KCND2: variants seen among roughly 807,000 people sequenced by gnomAD.
The protein encoded by KCND2 is A-type voltage-gated potassium channel KCND2.
Under a neutral mutation model 54.4 loss-of-function variants are expected in KCND2, and 16 were observed. The observed-to-expected ratio is 0.29, with a 90% CI of 0.20 to 0.45. KCND2 has a LOEUF of 0.45. Ranked by LOEUF, KCND2 falls within the 20% of genes least tolerant of loss-of-function variation. The pLI is 1.00. For synonymous variants in KCND2, 317 were observed against 310.7 expected, an observed-to-expected ratio of 1.02 and a Z score of -0.21; for missense variants, 486 against 824.2, an observed-to-expected ratio of 0.59 and a Z score of 5.02.
At chr7:120,615,691 A>G (rs1793015397) in intron 1 of KCND2, among the ~76,000 whole-genome samples, 1 of 152,230 alleles carries the variant, frequency 6.6e-6, no homozygotes, top group Non-Finnish European at 1.5e-5. Context: ...CGTTTTGTTC[A>G]GCATTTCTCT....
At chr7:120,460,373 C>T (rs191191837) in intron 1 of KCND2, among the ~76,000 whole-genome samples, 1 of 152,120 alleles carries the variant, frequency 6.6e-6, no homozygotes, top group East Asian at 1.9e-4. Context: ...AGAGACGGAG[C>T]TTATATCCAA....
At chr7:120,464,388 A>G (rs1300969129) in intron 1 of KCND2, among the ~76,000 whole-genome samples, 3 of 152,158 alleles carry the variant, frequency 2.0e-5, no homozygotes, top group Non-Finnish European at 4.4e-5. Context: ...ATGGTTGAAG[A>G]AGCAGACATA....
chr7:120,303,335 A>T (rs1216914301), intron 1 of KCND2, among the ~76,000 whole-genome samples: 1 of 152,198 alleles, frequency 6.6e-6, no homozygotes, highest in Admixed American at 6.5e-5. Context: ...GAAACAACAA[A>T]TTGGCTATCT....
intron 1 of KCND2, among the ~76,000 whole-genome samples, chr7:120,281,645 A>G (rs1019233313): frequency 6.6e-6 from 1 of 152,036 alleles, no homozygotes; most frequent in Admixed American, 6.6e-5. Context: ...TTATGGTTTT[A>G]CCTCTTGACA....
intron 1 of KCND2, among the ~76,000 whole-genome samples, chr7:120,358,307 T>A (rs1800537960): frequency 6.6e-6 from 1 of 152,122 alleles, no homozygotes; most frequent in South Asian, 2.1e-4. Context: ...TATTTTTCTC[T>A]CTCCTTTTTT....
At chr7:120,641,059 ACG>A in intron 1 of KCND2, among the ~76,000 whole-genome samples, 1 of 152,346 alleles carries the variant, frequency 6.6e-6, no homozygotes, top group African/African-American at 2.4e-5. Flanking sequence ...TAGAATGAAG[ACG>A]AGAGAGAGCT....
rs200944488 is a variant in KCND2, at chr7:120,397,995, GTATA to G, written c.1115+122288_1115+122291del. ...TAAGTGTGTGTGTGTGTGTGTGTGTGTATATATATATATATATATATATATATAT... is the reference window on the plus strand; with the variant it reads ...TAAGTGTGTGTGTGTGTGTGTGTGTGTATATATATATATATATATATATAT... On this transcript the variant is annotated intron_variant, in intron 1 of 5. Coordinates refer to ENST00000331113, the MANE Select transcript of KCND2 (RefSeq NM_012281.3). 5.7e-3 allele frequency among the ~76,000 whole-genome samples: 528 copies of G among 93,060 alleles called. 3 individuals are homozygous for G. The highest frequency in any genetic ancestry group is 0.013 in the Middle Eastern group (2 of 160). 61.1% of individuals were successfully genotyped at this position (93,060 alleles called of 152,430 possible).
At chr7:120,716,167 G>A (rs1401257873) in intron 1 of KCND2, among the ~76,000 whole-genome samples, 1 of 151,496 alleles carries the variant, frequency 6.6e-6, no homozygotes, top group Admixed American at 6.6e-5. Flanking sequence ...GCCTCACTAA[G>A]GTAAAGGAAA....
chr7:120,501,781 A>G (rs1429840903), intron 1 of KCND2, among the ~76,000 whole-genome samples: 1 of 152,046 alleles, frequency 6.6e-6, no homozygotes, highest in East Asian at 1.9e-4. Flanking sequence ...AGGGAATAAT[A>G]TATTTCGCAC....
intron 1 of KCND2, among the ~76,000 whole-genome samples, chr7:120,405,605 A>G (rs1336394106): frequency 6.6e-6 from 1 of 152,170 alleles, no homozygotes; most frequent in Non-Finnish European, 1.5e-5. Context: ...AATAAGCACT[A>G]AAAGATATCA....
chr7:120,385,355 C>T (rs1320792737), intron 1 of KCND2, among the ~76,000 whole-genome samples: 1 of 151,944 alleles, frequency 6.6e-6, no homozygotes, highest in Admixed American at 6.6e-5. Flanking sequence ...ATCTTGAATG[C>T]ATAAATTCCT....
At chr7:120,352,537 T>C (rs1056849692) in intron 1 of KCND2, among the ~76,000 whole-genome samples, 2 of 151,624 alleles carry the variant, frequency 1.3e-5, no homozygotes, top group African/African-American at 4.8e-5. Flanking sequence ...ATGAATTTTA[T>C]AGAGCATCCC....
chr7:120,704,542 A>G lies in KCND2; in HGVS notation c.1116-28361A>G, dbSNP rs146806780. 4.4e-3 allele frequency among the ~76,000 whole-genome samples: 676 copies of G among 152,320 alleles called. 5 individuals are homozygous for G. Among genetic ancestry groups the G allele is most frequent in the African/African-American group, 0.016 (649 of 41,574 alleles). On this transcript the variant is annotated intron_variant, in intron 1 of 5. Transcript: ENST00000331113. ...TATGTACCAAGGTTTCTGTTCAAAG[A>G]ATATTTAAAAGCTATTGACCAGATC... is the stretch of plus-strand genomic sequence containing the variant.
At chr7:120,595,612 T>TATATATAC (rs1491578174) in intron 1 of KCND2, among the ~76,000 whole-genome samples, 4 of 142,538 alleles carry the variant, frequency 2.8e-5, no homozygotes, top group Non-Finnish European at 4.6e-5. Flanking sequence ...TATATATATA[T>TATATATAC]ACACCAGAAC....
chr7:120,584,774 A>T (rs1346782751), intron 1 of KCND2, among the ~76,000 whole-genome samples: 1 of 151,122 alleles, frequency 6.6e-6, no homozygotes, highest in Non-Finnish European at 1.5e-5. Flanking sequence ...GCGCGTGCAC[A>T]CACACACACT....
intron 1 of KCND2, among the ~76,000 whole-genome samples, chr7:120,305,877 AG>A (rs1799646471): frequency 6.6e-6 from 1 of 152,194 alleles, no homozygotes; most frequent in Non-Finnish European, 1.5e-5. Context: ...ATCCATTTTA[AG>A]GGTCCAAACC....
chr7:120,650,254 A>C (rs1276936456), intron 1 of KCND2, among the ~76,000 whole-genome samples: 1 of 142,926 alleles, frequency 7.0e-6, no homozygotes, highest in African/African-American at 2.8e-5. Context: ...CAGGTACACC[A>C]ATCAGCTGTA....
At chr7:120,587,922 C>G (rs1423580305) in intron 1 of KCND2, among the ~76,000 whole-genome samples, 1 of 152,150 alleles carries the variant, frequency 6.6e-6, no homozygotes, top group Non-Finnish European at 1.5e-5. Flanking sequence ...CACCTGAAGT[C>G]TGGAACCTAT....
chr7:120,645,208 C>T (rs567037195), intron 1 of KCND2, among the ~76,000 whole-genome samples: 5 of 152,268 alleles, frequency 3.3e-5, no homozygotes, highest in East Asian at 1.9e-4. Flanking sequence ...GCGTATAAGC[C>T]GGCCGCTTGA....
Sources: gnomAD v4.1 joint callset for allele counts (sites outside exome capture counted in the v4.1 genomes callset) on GRCh38, gnomAD v4.1.1 for gene constraint, MANE v1.5 for transcripts, NCBI Gene and HGNC (gene_info 2026-07-23, HGNC 2026-07-21) for gene names.